JAZF1: variants seen among roughly 807,000 people sequenced by gnomAD.
The protein encoded by JAZF1 is JAZF zinc finger 1.
JAZF1 carries 8 observed loss-of-function variants against 26.4 expected under a neutral mutation model. That is an observed-to-expected ratio of 0.30 (90% confidence interval 0.18 to 0.55). The LOEUF is 0.55. JAZF1 is among the 20% of genes least tolerant of loss of function. JAZF1 has a pLI of 0.94. For synonymous variants in JAZF1, 126 were observed against 122.3 expected, an observed-to-expected ratio of 1.03 and a Z score of -0.20; for missense variants, 199 against 322.0, an observed-to-expected ratio of 0.62 and a Z score of 2.92.
chr7:28,008,486 T>G (rs141919032), intron 1 of JAZF1, among the ~76,000 whole-genome samples: 4 of 152,278 alleles, frequency 2.6e-5, no homozygotes, highest in African/African-American at 9.6e-5. Flanking sequence ...CAGTATAAAT[T>G]CTAAGGTCCT....
chr7:27,830,624 T>C lies in JAZF1; in HGVS notation c.*2176A>G. On this transcript the variant is annotated 3_prime_UTR_variant, in exon 5 of 5. Transcript: ENST00000283928. ...TTTTAAATGTGATTTCATTTACATT[T>C]ATAAGCAGCTTTTCTTGACAGGAAT... 1 of 182,166 alleles carries C rather than the reference T, an allele frequency of 5.5e-6. No homozygotes were observed. The highest frequency in any genetic ancestry group is 1.2e-5 in the Non-Finnish European group (1 of 85,140). 11.3% of individuals were successfully genotyped at this position (182,166 alleles called of 1,614,324 possible).
intron 2 of JAZF1, among the ~76,000 whole-genome samples, chr7:27,930,939 C>T (rs1784680912): frequency 6.6e-6 from 1 of 152,160 alleles, no homozygotes; most frequent in Non-Finnish European, 1.5e-5. Flanking sequence ...TTTCCCATCA[C>T]TTTGCTCTCA....
At position 28,180,588 on chromosome 7, in the gene JAZF1, C is replaced by G. The variant is rs372356910; in HGVS notation, c.-11G>C. 1.3e-6 allele frequency: 2 copies of G among 1,593,930 alleles called. No homozygotes were observed. Among genetic ancestry groups the G allele is most frequent in the African/African-American group, 1.4e-5 (1 of 72,258 alleles). ...GGCGATGCCTGTCATGGTGCTACAT[C>G]GAGAGCCCCCCTGGTGTCGGCTCTG... is the stretch of plus-strand genomic sequence containing the variant. On this transcript the variant is annotated 5_prime_UTR_variant, in exon 1 of 5. Coordinates refer to ENST00000283928, the MANE Select transcript of JAZF1 (RefSeq NM_175061.4).
intron 1 of JAZF1, among the ~76,000 whole-genome samples, chr7:28,170,906 TC>T (rs1220924247): frequency 6.6e-6 from 1 of 152,210 alleles, no homozygotes; most frequent in East Asian, 1.9e-4. Flanking sequence ...TTGCTCTGTG[TC>T]CTGGCTTCCT....
At chr7:28,052,730 G>A (rs1195435868) in intron 1 of JAZF1, among the ~76,000 whole-genome samples, 1 of 151,902 alleles carries the variant, frequency 6.6e-6, no homozygotes, top group Non-Finnish European at 1.5e-5. Context: ...CAAAAACCAA[G>A]CTAAGAATCC....
chr7:28,007,086 C>T (rs188504109), intron 1 of JAZF1, among the ~76,000 whole-genome samples: 31 of 152,294 alleles, frequency 2.0e-4, no homozygotes, highest in Non-Finnish European at 4.3e-4. Flanking sequence ...AATGGGATGT[C>T]AACAGCCCCA....
At chr7:27,899,539 ATCT>A (rs989908835) in intron 2 of JAZF1, among the ~76,000 whole-genome samples, 1 of 152,062 alleles carries the variant, frequency 6.6e-6, no homozygotes, top group Non-Finnish European at 1.5e-5. Context: ...GGCTCAAGCA[ATCT>A]TCTTGCCTCA....
intron 3 of JAZF1, among the ~76,000 whole-genome samples, chr7:27,852,498 T>C (rs1036059099): frequency 6.6e-6 from 1 of 152,106 alleles, no homozygotes; most frequent in Middle Eastern, 3.2e-3. Context: ...ACTCCCTCAG[T>C]GTGGCCAGCC....
intron 2 of JAZF1, among the ~76,000 whole-genome samples, chr7:27,896,767 G>C (rs1399317046): frequency 6.6e-6 from 1 of 152,120 alleles, no homozygotes; most frequent in Non-Finnish European, 1.5e-5. Context: ...TTTATACTTG[G>C]AACATGGATG....
At chr7:27,999,224 CT>C (rs1786083476) in intron 1 of JAZF1, among the ~76,000 whole-genome samples, 1 of 152,186 alleles carries the variant, frequency 6.6e-6, no homozygotes, top group Non-Finnish European at 1.5e-5. Flanking sequence ...AAGGCCAAAA[CT>C]TGGTCCCATT....
chr7:27,895,893 A>T lies in JAZF1; in HGVS notation c.189-477T>A, dbSNP rs189905398. Among the ~76,000 whole-genome samples, 240 of 151,586 alleles carry T rather than the reference A, an allele frequency of 1.6e-3. 1 individual carries two copies. The highest frequency in any genetic ancestry group is 4.8e-3 in the African/African-American group (200 of 41,270). ...TGGCCTCATGAAAACTTTTTTTTTT[A>T]AATTTTTTGGTATTACTTTGATTCT... On this transcript the variant is annotated intron_variant, in intron 2 of 4. Coordinates refer to ENST00000283928, the MANE Select transcript of JAZF1 (RefSeq NM_175061.4).
At chr7:27,941,381 A>G (rs919487872) in intron 2 of JAZF1, among the ~76,000 whole-genome samples, 1 of 152,096 alleles carries the variant, frequency 6.6e-6, no homozygotes, top group African/African-American at 2.4e-5. Flanking sequence ...ACTTCGCCTA[A>G]TTTTCTTTCA....
chr7:28,044,556 T>C (rs992567523), intron 1 of JAZF1, among the ~76,000 whole-genome samples: 5 of 152,180 alleles, frequency 3.3e-5, no homozygotes, highest in African/African-American at 1.2e-4. Flanking sequence ...TCTGCCCACC[T>C]TCTTTGAAAG....
chr7:27,843,940 T>TGAGA lies in JAZF1; in HGVS notation c.386-3074_386-3073insTCTC, dbSNP rs1180504792. 2.6e-5 allele frequency: 4 copies of TGAGA among 152,244 alleles called. No individual in the cohort carries two copies. In the East Asian group the frequency reaches 7.7e-4, roughly 29 times the overall value. The allele number at this position is 152,244 out of a possible 1,614,324, so 9.4% of individuals were successfully genotyped here. A position where few individuals can be genotyped will look rare whatever the true frequency, so the allele number is the denominator to read the frequency against. On this transcript the variant is annotated intron_variant, in intron 3 of 4. Coordinates refer to ENST00000283928, the MANE Select transcript of JAZF1 (RefSeq NM_175061.4). Reference sequence around the variant, plus strand: ...ATGCTATGTGAGCTGTTTATCTCATTTACTGTTGCCTTGCTCTCTCTTGAG... The same window carrying TGAGA: ...ATGCTATGTGAGCTGTTTATCTCATTGAGATACTGTTGCCTTGCTCTCTCTTGAG...
At chr7:28,034,052 A>C (rs2128375499) in intron 1 of JAZF1, among the ~76,000 whole-genome samples, 1 of 152,084 alleles carries the variant, frequency 6.6e-6, no homozygotes, top group Admixed American at 6.6e-5. Flanking sequence ...TGGAACTCTT[A>C]ATTCTTTCTC....
At chr7:28,092,561 G>A (rs1784320453) in intron 1 of JAZF1, among the ~76,000 whole-genome samples, 1 of 152,028 alleles carries the variant, frequency 6.6e-6, no homozygotes, top group African/African-American at 2.4e-5. Flanking sequence ...AGAAATTTCT[G>A]GCTGGATGCG....
chr7:27,957,228 A>T (rs1279862993), intron 2 of JAZF1, among the ~76,000 whole-genome samples: 1 of 152,194 alleles, frequency 6.6e-6, no homozygotes. Flanking sequence ...GGCCACATTT[A>T]TTCCTGAAAT....
At chr7:27,883,966 C>T (rs1482055137) in intron 3 of JAZF1, among the ~76,000 whole-genome samples, 1 of 152,212 alleles carries the variant, frequency 6.6e-6, no homozygotes, top group South Asian at 2.1e-4. Flanking sequence ...TTTTCAAACT[C>T]AAACTACTGC....
At chr7:28,124,877 T>C (rs1353986481) in intron 1 of JAZF1, among the ~76,000 whole-genome samples, 1 of 152,222 alleles carries the variant, frequency 6.6e-6, no homozygotes, top group Non-Finnish European at 1.5e-5. Context: ...AACTACCCAG[T>C]TGACTGGCTC....
Sources: gnomAD v4.1 joint callset for allele counts (sites outside exome capture counted in the v4.1 genomes callset) on GRCh38, gnomAD v4.1.1 for gene constraint, MANE v1.5 for transcripts, NCBI Gene and HGNC (gene_info 2026-07-23, HGNC 2026-07-21) for gene names.